The following DCAF8L2 variants were observed in gnomAD, a reference collection of about 807,000 sequenced individuals.
The protein encoded by DCAF8L2 is DDB1- and CUL4-associated factor 8-like protein 2.
For synonymous variants in DCAF8L2, 200 were observed against 190.9 expected, an observed-to-expected ratio of 1.05 and a Z score of -0.39; for missense variants, 430 against 490.7, an observed-to-expected ratio of 0.88 and a Z score of 1.17.
chrX:27,493,597 G>A, the DCAF8L2 span, among the ~76,000 whole-genome samples: 3 of 107,681 alleles, frequency 2.8e-5, no homozygotes, highest in Admixed American at 1.0e-4. Flanking sequence ...TGCAGTCCCA[G>A]CTACTCGGGA....
At chrX:27,594,474 C>G (rs1374580055) in intron 1 of DCAF8L2, among the ~76,000 whole-genome samples, 3 of 111,276 alleles carry the variant, frequency 2.7e-5, no homozygotes, top group Non-Finnish European at 3.8e-5. Flanking sequence ...GACTCTCACA[C>G]CTAATTAGAT....
chrX:27,692,735 A>G (rs755727420), intron 3 of DCAF8L2, among the ~76,000 whole-genome samples: 1 of 111,568 alleles, frequency 9.0e-6, no homozygotes, highest in Admixed American at 9.6e-5. Flanking sequence ...GTAGTTTTCA[A>G]CTGTGGTGAC....
intron 3 of DCAF8L2, among the ~76,000 whole-genome samples, chrX:27,711,505 GTAAC>G (rs2147283073): frequency 9.3e-6 from 1 of 107,988 alleles, no homozygotes; most frequent in Non-Finnish European, 1.9e-5. Flanking sequence ...TCACACAAAA[GTAAC>G]TATGTGAGAT....
chrX:27,623,522 AC>A (rs753269745), intron 1 of DCAF8L2, among the ~76,000 whole-genome samples: 1 of 111,113 alleles, frequency 9.0e-6, no homozygotes, highest in South Asian at 3.8e-4. Context: ...TCAATGAAAA[AC>A]ATTTATAACA....
the DCAF8L2 span, among the ~76,000 whole-genome samples, chrX:27,488,089 G>C: frequency 8.9e-6 from 1 of 111,885 alleles, no homozygotes; most frequent in Non-Finnish European, 1.9e-5. Flanking sequence ...ATTTTCCAAA[G>C]TTGTTGTAAC....
intron 4 of DCAF8L2, among the ~76,000 whole-genome samples, chrX:27,744,780 G>A (rs1049344453): frequency 1.8e-5 from 2 of 110,966 alleles, no homozygotes; most frequent in Non-Finnish European, 3.8e-5. Flanking sequence ...GTTATAAAGA[G>A]TTTTGCACCT....
chrX:27,643,699 T>C (rs1268182365), intron 2 of DCAF8L2, among the ~76,000 whole-genome samples: 2 of 111,931 alleles, frequency 1.8e-5, no homozygotes, highest in Non-Finnish European at 3.8e-5. Flanking sequence ...TGAGATTACG[T>C]TGTGACTTTC....
At chrX:27,695,261 C>A (rs1930852520) in intron 3 of DCAF8L2, among the ~76,000 whole-genome samples, 1 of 112,076 alleles carries the variant, frequency 8.9e-6, no homozygotes, top group Admixed American at 9.5e-5. Flanking sequence ...TAAGGGTGAC[C>A]TTTTATGAAG....
the DCAF8L2 span, among the ~76,000 whole-genome samples, chrX:27,551,515 T>G: frequency 9.0e-6 from 1 of 111,651 alleles, no homozygotes; most frequent in African/African-American, 3.3e-5. Context: ...GTTATTCACT[T>G]TATTTAAATA....
At chrX:27,474,317 A>T in the DCAF8L2 span, among the ~76,000 whole-genome samples, 1 of 112,430 alleles carries the variant, frequency 8.9e-6, no homozygotes, top group South Asian at 3.7e-4. Flanking sequence ...ATATAGTTAT[A>T]GTCATCTATC....
intron 3 of DCAF8L2, among the ~76,000 whole-genome samples, chrX:27,693,473 T>C (rs1308059245): frequency 2.7e-5 from 3 of 111,834 alleles, no homozygotes; most frequent in African/African-American, 9.7e-5. Flanking sequence ...TATTTTACCT[T>C]AGTTAAATGG....
chrX:27,675,478 C>A (rs1390639874), intron 2 of DCAF8L2, among the ~76,000 whole-genome samples: 1 of 112,170 alleles, frequency 8.9e-6, no homozygotes, highest in African/African-American at 3.2e-5. Context: ...CTAAACCAGA[C>A]TGATTATTTT....
chrX:27,622,087 G>A (rs1845830646), intron 1 of DCAF8L2, among the ~76,000 whole-genome samples: 2 of 110,384 alleles, frequency 1.8e-5, no homozygotes, highest in Admixed American at 9.6e-5. Context: ...ATTTGAAGAC[G>A]TACATCACCT....
chrX:27,744,701 A>G (rs750188224), intron 4 of DCAF8L2, among the ~76,000 whole-genome samples: 1 of 111,825 alleles, frequency 8.9e-6, no homozygotes, highest in Non-Finnish European at 1.9e-5. Flanking sequence ...ATCCTTCATG[A>G]ATGGCTTGGT....
chrX:27,479,895 A>G, the DCAF8L2 span, among the ~76,000 whole-genome samples: 1 of 112,245 alleles, frequency 8.9e-6, no homozygotes, highest in Admixed American at 9.4e-5. Flanking sequence ...AGAGGGTCAC[A>G]TTGTTTCTGG....
chrX:27,604,410 A>G (rs979778874), intron 1 of DCAF8L2, among the ~76,000 whole-genome samples: 3 of 111,069 alleles, frequency 2.7e-5, no homozygotes, highest in African/African-American at 6.5e-5. Context: ...ATCTCATATC[A>G]TATCACTCTT....
chrX:27,486,678 T>C, the DCAF8L2 span, among the ~76,000 whole-genome samples: 1 of 111,388 alleles, frequency 9.0e-6, no homozygotes. Flanking sequence ...TGTTCTAGCC[T>C]TTTGCCCACA....
chrX:27,668,291 C>A, intron 2 of DCAF8L2, among the ~76,000 whole-genome samples: 1 of 111,686 alleles, frequency 9.0e-6, no homozygotes, highest in African/African-American at 3.3e-5. Context: ...TGTGGTTTTT[C>A]AAAAACAGAC....
At chrX:27,575,419 T>G in the DCAF8L2 span, among the ~76,000 whole-genome samples, 1 of 111,019 alleles carries the variant, frequency 9.0e-6, no homozygotes, top group East Asian at 2.9e-4. Flanking sequence ...TAGGAGTGCC[T>G]ATCCTCACCT....
Sources: gnomAD v4.1 joint callset for allele counts (sites outside exome capture counted in the v4.1 genomes callset) on GRCh38, gnomAD v4.1.1 for gene constraint, MANE v1.5 for transcripts, NCBI Gene and HGNC (gene_info 2026-07-23, HGNC 2026-07-21) for gene names.